SART1: variants seen among roughly 807,000 people sequenced by gnomAD.
SART1 encodes spliceosome associated factor 1, recruiter of U4/U6.U5 tri-snRNP.
A neutral mutation model predicts 105.0 loss-of-function variants in SART1; 28 were observed. The observed-to-expected ratio is 0.27, with a 90% confidence interval of 0.20 to 0.37. The LOEUF (loss-of-function observed/expected upper bound fraction) is 0.37, where lower values mean the gene tolerates loss of function less well. SART1 is among the 10% of genes least tolerant of loss of function. The pLI is 1.00. For synonymous variants in SART1, 472 were observed against 462.9 expected, an observed-to-expected ratio of 1.02 and a Z score of -0.25; for missense variants, 894 against 1,106.5, an observed-to-expected ratio of 0.81 and a Z score of 2.72.
In SART1 at chr11:65,976,789, G is replaced by A; in HGVS notation, c.1857+23G>A. The A allele has an allele frequency of 1.9e-6, 3 of 1,566,338 alleles. No individual in the cohort carries two copies. The highest frequency in any genetic ancestry group is 2.6e-6 in the Non-Finnish European group (3 of 1,151,306). On this transcript the variant is annotated intron_variant, in intron 14 of 19. Coordinates refer to ENST00000312397, the MANE Select transcript of SART1 (RefSeq NM_005146.5). This position sits in a 1 kb window ranked among gnomAD's most constrained non-coding sequence, Gnocchi z 5.1. ...GATGTGAGGGCCGCGCCGCTGGGGG[G>A]TGGGCGTTTGGGGGTGCTCAAGCTG...
chr11:65,978,285 C>T lies in SART1; in HGVS notation c.2173-315C>T. On this transcript the variant is annotated intron_variant, in intron 17 of 19. Transcript: ENST00000312397. The surrounding 1 kb of genome is among the most constrained non-coding windows in gnomAD (Gnocchi z 6.8). ...GCCCTACCACTCAGCTGCCCCCTTG[C>T]TCTCTGGGGTTTGTCTCCCTGCAGC... 2.0e-6 allele frequency: 1 copy of T among 505,826 alleles called. No individual in the cohort carries two copies. Among genetic ancestry groups the T allele is most frequent in the Non-Finnish European group, 3.6e-6 (1 of 278,644 alleles). The allele number at this position is 505,826 out of a possible 1,614,324, so 31.3% of individuals were successfully genotyped here.
chr11:65,966,000 G>C lies in SART1; in HGVS notation c.838+14G>C, dbSNP rs1398377833. 7 of 1,613,876 alleles carry C rather than the reference G, an allele frequency of 4.3e-6. No individual in the cohort carries two copies. The African/African-American group carries it at 8.0e-5, about 18-fold the overall frequency. On this transcript the variant is annotated intron_variant, in intron 7 of 19. Transcript: ENST00000312397. Reference sequence around the variant, plus strand: ...TCAAGGACAAAGGTAATGCGAGCTGGGTGCCCTGGGTGGGGGCACAGCCTC... The same window carrying C: ...TCAAGGACAAAGGTAATGCGAGCTGCGTGCCCTGGGTGGGGGCACAGCCTC...
chr11:65,978,013 T>A lies in SART1; in HGVS notation c.2172+114T>A. The A allele has an allele frequency of 8.5e-7, 1 of 1,174,628 alleles. No individual in the cohort carries two copies. The highest frequency in any genetic ancestry group is 1.2e-6 in the Non-Finnish European group (1 of 838,444). The allele number at this position is 1,174,628 out of a possible 1,614,324, so 72.8% of individuals were successfully genotyped here. Reference sequence around the variant, plus strand: ...CCAGGGTCCTGGCTCCACCAGCCTCTGGCTGGGGGCCTGGTGAATGCCACG... The same window carrying A: ...CCAGGGTCCTGGCTCCACCAGCCTCAGGCTGGGGGCCTGGTGAATGCCACG... On this transcript the variant is annotated intron_variant, in intron 17 of 19. Coordinates refer to ENST00000312397, the MANE Select transcript of SART1 (RefSeq NM_005146.5). This position sits in a 1 kb window ranked among gnomAD's most constrained non-coding sequence, Gnocchi z 6.8.
chr11:65,977,628 G>C lies in SART1; in HGVS notation c.2011G>C (p.Ala671Pro), dbSNP rs762507917. Residue 671 changes from alanine (A) to proline (P), a missense_variant, in exon 16 of 20, where the codon GCC becomes CCC. By Grantham distance (27) the Ala-to-Pro change is conservative. This residue lies in a region of SART1 where 182 missense variants were observed against 328.3 expected (regional missense o/e 0.55). Coordinates refer to ENST00000312397, the MANE Select transcript of SART1 (RefSeq NM_005146.5). Reference protein sequence around the residue: ...VKAPNKSLPSAVYCIEDKMAI... With the variant: ...VKAPNKSLPSPVYCIEDKMAI... ...GGCCCCCAACAAGTCGCTGCCCTCA[G>C]CCGTGTACTGCATCGAGGATAAGAT... 6.2e-7 allele frequency: 1 copy of C among 1,614,080 alleles called. No individual in the cohort carries two copies. The highest frequency in any genetic ancestry group is 1.1e-5 in the South Asian group (1 of 91,084).
At chr11:65,975,546 A>G (rs1231498132) in intron 12 of SART1, among the ~76,000 whole-genome samples, 1 of 149,406 alleles carries the variant, frequency 6.7e-6, no homozygotes, top group Non-Finnish European at 1.5e-5. Flanking sequence ...AGCTGGGACT[A>G]TGGGCGTGTG....
Position 65,977,888 on chromosome 11 carries a change from A to G in SART1, c.2161A>G (p.Thr721Ala), listed in dbSNP as rs1183056469. 1.2e-6 allele frequency: 2 copies of G among 1,611,082 alleles called. No individual in the cohort carries two copies. ...EYVDETGRKL[T>A]PKEAFRQLSH... The stretch of plus-strand genomic sequence containing the variant: ...CGTGGATGAGACGGGCCGGAAACTC[A>G]CACCCAAGGAGGTGAGCAGGGCCTT... The change falls in exon 17 of 20, where the codon ACA becomes GCA. Residue 721 changes from threonine (T) to alanine (A), a missense_variant. By Grantham distance (58) the Thr-to-Ala change is moderately conservative (BLOSUM62 0). Transcript: ENST00000312397.
In SART1 at chr11:65,976,462, G is replaced by A. The variant is rs777142426; in HGVS notation, c.1640G>A (p.Arg547Gln). The A allele has an allele frequency of 4.6e-5, 72 of 1,571,024 alleles. No homozygotes were observed. Among genetic ancestry groups the A allele is most frequent in the African/African-American group, 3.3e-4 (24 of 73,636 alleles). Residue 547 changes from arginine (R) to glutamine (Q), a missense_variant, in exon 13 of 20, where the codon CGG (arginine) becomes CAG (glutamine). Arg to Gln is a conservative substitution (Grantham distance 43, BLOSUM62 1). Around this residue, in one of 2 missense-constraint regions of SART1, gnomAD observed 712 missense variants for 778.2 expected, o/e 0.91. Transcript: ENST00000312397. This position sits in a 1 kb window ranked among gnomAD's most constrained non-coding sequence, Gnocchi z 5.1. ...TGGGAGGAGGATGAGGATCCCGAGCGGAAGGGGGCCATCGTGTTCAACGCC... is the reference window on the plus strand; with the variant it reads ...TGGGAGGAGGATGAGGATCCCGAGCAGAAGGGGGCCATCGTGTTCAACGCC... ...RGWEEDEDPE[R>Q]KGAIVFNATS...
rs1441993342 is a variant in SART1, at chr11:65,978,723, C to T, written c.2262+34C>T. The T allele has an allele frequency of 6.2e-7, 1 of 1,613,518 alleles. No homozygotes were observed. Among genetic ancestry groups the T allele is most frequent in the Non-Finnish European group, 8.5e-7 (1 of 1,179,732 alleles). ...CCTTGGGGATGTGGGGGGCCCTGTG[C>T]CTGCCGGGGCAGGGGTGGCTGGTGT... On this transcript the variant is annotated intron_variant, in intron 18 of 19. Coordinates refer to ENST00000312397, the MANE Select transcript of SART1 (RefSeq NM_005146.5). The surrounding 1 kb of genome is among the most constrained non-coding windows in gnomAD (Gnocchi z 6.8).
At position 65,967,366 on chromosome 11, in the gene SART1, T is replaced by G. The variant is rs763883673; in HGVS notation, c.1296T>G (p.Asp432Glu). The change falls in exon 10 of 20, where the codon GAT (aspartate) becomes GAG (glutamate). Residue 432 changes from aspartate to glutamate, a missense_variant. By Grantham distance (45) the Asp-to-Glu change is conservative (BLOSUM62 2). Coordinates refer to ENST00000312397, the MANE Select transcript of SART1 (RefSeq NM_005146.5). ...DLLPLGDQTQ[D>E]GDFGSRLRGR... Reference sequence around the variant, plus strand: ...TGCCTCTCGGGGACCAGACTCAGGATGGGGACTTTGGTTCCAGGTGGGCTT... The same window carrying G: ...TGCCTCTCGGGGACCAGACTCAGGAGGGGGACTTTGGTTCCAGGTGGGCTT... 1 of 1,614,040 alleles carries G rather than the reference T, an allele frequency of 6.2e-7. No individual in the cohort carries two copies. Among genetic ancestry groups the G allele is most frequent in the Admixed American group, 1.7e-5 (1 of 60,020 alleles).
Position 65,964,064 on chromosome 11 carries a change from C to T in SART1, c.314-10C>T. ...GTTCAGCTCCTGAGCCATGCTTCTT[C>T]TTGTTCCAGCTGCCAGCTCCAAAAC... On this transcript the variant is annotated splice_polypyrimidine_tract_variant and intron_variant, in intron 1 of 19. Transcript: ENST00000312397. 6.2e-7 allele frequency: 1 copy of T among 1,610,630 alleles called. No homozygotes were observed. The highest frequency in any genetic ancestry group is 8.5e-7 in the Non-Finnish European group (1 of 1,179,934).
Position 65,977,079 on chromosome 11 carries a change from C to T in SART1, c.1923C>T (p.Ala641=). 1.2e-6 allele frequency: 2 copies of T among 1,613,842 alleles called. No individual in the cohort carries two copies. The highest frequency in any genetic ancestry group is 1.1e-5 in the South Asian group (1 of 91,074). The stretch of plus-strand genomic sequence containing the variant: ...TCGTGAATAGGGGGCTGGCAGCTGC[C>T]CTGCTCCTGTGTCAGAACAAAGGTA... ...EPIVNRGLAA[A]LLLCQNKGLL... The change falls in exon 15 of 20, where the codon GCC becomes GCT. Residue 641 remains alanine, a synonymous_variant. Transcript: ENST00000312397.
intron 12 of SART1, among the ~76,000 whole-genome samples, chr11:65,970,768 G>C (rs1225557365): frequency 6.9e-6 from 1 of 145,160 alleles, no homozygotes; most frequent in Non-Finnish European, 1.5e-5. Context: ...CTGAGGAGGG[G>C]GATGGTGGAA....
At position 65,967,600 on chromosome 11, in the gene SART1, CA is replaced by C. The variant is rs755422290; in HGVS notation, c.1429+15del. ...TCAGTGATGAGGGTGAGGGCCCGGCCAGGGGGTGGGAGGGGCAGGGACAGGA... is the reference window on the plus strand; with the variant it reads ...TCAGTGATGAGGGTGAGGGCCCGGCCGGGGGTGGGAGGGGCAGGGACAGGA... On this transcript the variant is annotated intron_variant, in intron 11 of 19. Coordinates refer to ENST00000312397, the MANE Select transcript of SART1 (RefSeq NM_005146.5). The C allele has an allele frequency of 9.9e-6, 16 of 1,610,114 alleles. No individual in the cohort carries two copies. Among genetic ancestry groups the C allele is most frequent in the Non-Finnish European group, 1.0e-5 (12 of 1,178,962 alleles).
In SART1 at chr11:65,976,485, G is replaced by A. The variant is rs145691687; in HGVS notation, c.1663G>A (p.Ala555Thr). ...GCGGAAGGGGGCCATCGTGTTCAAC[G>A]CCACGTCCGAGTTCTGCCGCACCTT... The part of the protein sequence containing the change: ...PERKGAIVFN[A>T]TSEFCRTLGE... The change falls in exon 13 of 20, where the codon GCC becomes ACC. Residue 555 changes from alanine (A) to threonine (T), a missense_variant. Ala to Thr is a moderately conservative substitution (Grantham distance 58). Coordinates refer to ENST00000312397, the MANE Select transcript of SART1 (RefSeq NM_005146.5). This position sits in a 1 kb window ranked among gnomAD's most constrained non-coding sequence, Gnocchi z 5.1. 1 of 1,579,140 alleles carries A rather than the reference G, an allele frequency of 6.3e-7. No homozygotes were observed. Among genetic ancestry groups the A allele is most frequent in the Non-Finnish European group, 8.6e-7 (1 of 1,162,756 alleles).
chr11:65,963,145 C>T (rs1156942105), intron 1 of SART1, among the ~76,000 whole-genome samples: 1 of 151,864 alleles, frequency 6.6e-6, no homozygotes, highest in East Asian at 1.9e-4. Context: ...AGGACTAGAA[C>T]CTGAGAAATG....
intron 3 of SART1, 117 bp from the exon 4 acceptor site, chr11:65,964,975 C>G: frequency 7.6e-7 from 1 of 1,317,354 alleles, no homozygotes; most frequent in Non-Finnish European, 1.0e-6. Flanking sequence ...AAGGATTGTT[C>G]CTTCCTGTCC....
At chr11:65,969,100 G>A (rs929286969) in intron 12 of SART1, among the ~76,000 whole-genome samples, 1 of 152,178 alleles carries the variant, frequency 6.6e-6, no homozygotes, top group African/African-American at 2.4e-5. Flanking sequence ...CGGAGGACAG[G>A]GGAGTTGAAA....
intron 12 of SART1, among the ~76,000 whole-genome samples, chr11:65,968,298 T>C (rs1414357249): frequency 6.6e-6 from 1 of 152,192 alleles, no homozygotes; most frequent in African/African-American, 2.4e-5. Context: ...ATGCCTGCTT[T>C]AGTAGGGGAT....
chr11:65,966,316 GC>G, intron 8 of SART1, 33 bp from the exon 9 acceptor site: 1 of 1,613,964 alleles, frequency 6.2e-7, no homozygotes, highest in Non-Finnish European at 8.5e-7. Context: ...TCAGGAGCCA[GC>G]CTGGGTCCCA....
Sources: gnomAD v4.1 joint callset for allele counts (sites outside exome capture counted in the v4.1 genomes callset) on GRCh38, gnomAD v4.1.1 for gene constraint, gnomAD v4.1.1 regional missense constraint, Gnocchi (gnomAD v3.1) non-coding constraint, MANE v1.5 for transcripts, NCBI Gene and HGNC (gene_info 2026-07-23, HGNC 2026-07-21) for gene names.